CACNA1D: variants seen among roughly 807,000 people sequenced by gnomAD.
CACNA1D encodes the protein calcium voltage-gated channel subunit alpha1 D.
Under a neutral mutation model 257.1 loss-of-function variants are expected in CACNA1D, and 55 were observed. The ratio of observed to expected loss-of-function variants is 0.21; its 90% CI spans 0.17 to 0.27. The LOEUF (loss-of-function observed/expected upper bound fraction) is 0.27, where lower values mean the gene tolerates loss of function less well. Ranked by LOEUF, CACNA1D falls within the 10% of genes least tolerant of loss-of-function variation. The probability of loss-of-function intolerance (pLI) is 1.00; values close to 1 mark genes in which losing one functional copy is unlikely to be tolerated. For missense variants in CACNA1D, 1,876 were observed against 2,784.0 expected (o/e 0.67, Z 7.34); for synonymous variants, 980 against 1,014.9 (o/e 0.97, Z 0.65).
intron 3 of CACNA1D, among the ~76,000 whole-genome samples, chr3:53,585,852 T>C (rs2093206228): frequency 6.6e-6 from 1 of 152,064 alleles, no homozygotes; most frequent in Non-Finnish European, 1.5e-5. Flanking sequence ...TTATCCTTGG[T>C]CCACAGGGGA....
At chr3:53,694,516 G>T (rs1031961088) in intron 8 of CACNA1D, among the ~76,000 whole-genome samples, 1 of 152,242 alleles carries the variant, frequency 6.6e-6, no homozygotes, top group African/African-American at 2.4e-5. Flanking sequence ...GGTTAGTAAC[G>T]CTGTTGTTCT....
At chr3:53,810,611 A>C in intron 47 of CACNA1D, 1 of 392,228 alleles carries the variant, frequency 2.5e-6, no homozygotes, top group Non-Finnish European at 4.9e-6. Flanking sequence ...TACAAAAATT[A>C]GCCGGGCGTG....
chr3:53,553,428 C>A (rs374636820), intron 3 of CACNA1D, among the ~76,000 whole-genome samples: 1 of 152,168 alleles, frequency 6.6e-6, no homozygotes, highest in Non-Finnish European at 1.5e-5. Context: ...AAGCACAAAT[C>A]CCTACCATTC....
At chr3:53,607,433 G>A (rs531746899) in intron 3 of CACNA1D, among the ~76,000 whole-genome samples, 1 of 152,246 alleles carries the variant, frequency 6.6e-6, no homozygotes, top group Non-Finnish European at 1.5e-5. Flanking sequence ...CAATCAGAGA[G>A]ACATGGTAGA....
intron 3 of CACNA1D, among the ~76,000 whole-genome samples, chr3:53,527,860 G>A (rs543618769): frequency 6.6e-6 from 1 of 152,304 alleles, no homozygotes; most frequent in African/African-American, 2.4e-5. Context: ...ATTTGAAAAT[G>A]TAGACCAGAT....
At chr3:53,770,346 G>T in intron 31 of CACNA1D, 78 bp from the exon 32 acceptor site, 1 of 1,336,480 alleles carries the variant, frequency 7.5e-7, no homozygotes. Flanking sequence ...TGTCACCTTT[G>T]CATCTGTTGC....
chr3:53,795,378 G>A (rs1436065612), intron 40 of CACNA1D, among the ~76,000 whole-genome samples: 1 of 152,192 alleles, frequency 6.6e-6, no homozygotes, highest in Non-Finnish European at 1.5e-5. Context: ...CCAATCCAGC[G>A]TTCTTTCCCA....
At chr3:53,548,528 G>C (rs759402560) in intron 3 of CACNA1D, among the ~76,000 whole-genome samples, 12 of 152,104 alleles carry the variant, frequency 7.9e-5, no homozygotes, top group Non-Finnish European at 1.6e-4. Context: ...TGCTGTGCTC[G>C]AGTGATGGTG....
intron 3 of CACNA1D, among the ~76,000 whole-genome samples, chr3:53,572,341 G>A (rs1274854537): frequency 6.6e-6 from 1 of 150,824 alleles, no homozygotes; most frequent in Non-Finnish European, 1.5e-5. Flanking sequence ...CAACTTTTTT[G>A]GCCCTCTCTG....
intron 8 of CACNA1D, among the ~76,000 whole-genome samples, chr3:53,674,662 C>T (rs764854445): frequency 7.2e-5 from 11 of 152,190 alleles, no homozygotes; most frequent in South Asian, 2.1e-4. Flanking sequence ...GCATCCACAC[C>T]GCCTCTCAGA....
chr3:53,722,327 C>A lies in CACNA1D; in HGVS notation c.1519C>A (p.Arg507Ser). The A allele has an allele frequency of 6.2e-7, 1 of 1,614,198 alleles. No homozygotes were observed. ...SKSKLSRRWR[R>S]WNRFNRRRCR... ...CTTGTCTTTTAGCCGACGCTGGCGT[C>A]GCTGGAACCGATTCAATCGCAGAAG... is the stretch of plus-strand genomic sequence containing the variant. Residue 507 changes from arginine to serine, a missense_variant, in exon 12 of 48, where the codon CGC (arginine) becomes AGC (serine). By Grantham distance (110) the Arg-to-Ser change is moderately radical. Around this residue, in one of 10 missense-constraint regions of CACNA1D, gnomAD observed 257 missense variants for 399.7 expected, o/e 0.64. Transcript: ENST00000350061.
chr3:53,567,881 G>T (rs768770356), intron 3 of CACNA1D, among the ~76,000 whole-genome samples: 1 of 152,182 alleles, frequency 6.6e-6, no homozygotes, highest in Non-Finnish European at 1.5e-5. Context: ...TGCAAGGCAG[G>T]CTTGCATCAG....
intron 8 of CACNA1D, among the ~76,000 whole-genome samples, chr3:53,675,906 C>T (rs554112445): frequency 6.6e-6 from 1 of 152,238 alleles, no homozygotes; most frequent in Non-Finnish European, 1.5e-5. Context: ...AGAGGCTGCA[C>T]ATGACCTCCT....
intron 3 of CACNA1D, among the ~76,000 whole-genome samples, chr3:53,604,058 C>T (rs1368526342): frequency 1.3e-5 from 2 of 152,198 alleles, no homozygotes; most frequent in East Asian, 1.9e-4. Context: ...GCAGATTTGT[C>T]TGGAGGAAAT....
Position 53,789,002 on chromosome 3 carries a change from G to A in CACNA1D, c.4923+2050G>A, listed in dbSNP as rs1377225553. Among the ~76,000 whole-genome samples, 1 of 152,154 alleles carries A rather than the reference G, an allele frequency of 6.6e-6. No homozygotes were observed. Among genetic ancestry groups the A allele is most frequent in the East Asian group, 1.9e-4 (1 of 5,194 alleles). ...ATATGCACAAACAACACACAGCTAAGTCATTACCAGGTTTCACGTATGGGG... is the reference window on the plus strand; with the variant it reads ...ATATGCACAAACAACACACAGCTAAATCATTACCAGGTTTCACGTATGGGG... On this transcript the variant is annotated intron_variant, in intron 40 of 47. Transcript: ENST00000350061. This position sits in a 1 kb window ranked among gnomAD's most constrained non-coding sequence, Gnocchi z 4.2.
chr3:53,582,089 C>T (rs956304345), intron 3 of CACNA1D, among the ~76,000 whole-genome samples: 2 of 152,050 alleles, frequency 1.3e-5, no homozygotes, highest in African/African-American at 4.8e-5. Context: ...GTATATTCTC[C>T]TGTGTTTTTG....
intron 3 of CACNA1D, among the ~76,000 whole-genome samples, chr3:53,611,019 G>C (rs1273699816): frequency 6.6e-6 from 1 of 152,098 alleles, no homozygotes; most frequent in African/African-American, 2.4e-5. Context: ...ATAGAATTTT[G>C]GATTGACAGT....
intron 28 of CACNA1D, 118 bp downstream of exon 28, chr3:53,752,025 TG>T: frequency 1.0e-6 from 1 of 988,448 alleles, no homozygotes; most frequent in East Asian, 2.4e-5. Context: ...CTGATGAGTC[TG>T]GGCTATAGGT....
At chr3:53,516,517 T>TG (rs2091341761) in intron 3 of CACNA1D, among the ~76,000 whole-genome samples, 1 of 152,198 alleles carries the variant, frequency 6.6e-6, no homozygotes, top group Admixed American at 6.5e-5. Flanking sequence ...GTGGGGGCAC[T>TG]GGGTGAGTGG....
Sources: allele counts gnomAD v4.1 joint callset (sites outside exome capture counted in the v4.1 genomes callset), GRCh38; gene constraint gnomAD v4.1.1; regional missense constraint gnomAD v4.1.1; non-coding constraint Gnocchi (gnomAD v3.1); transcripts MANE v1.5; gene names NCBI Gene and HGNC (gene_info 2026-07-23, HGNC 2026-07-21).